Variants in MED13L observed in about 807,000 individuals in gnomAD.
MED13L encodes mediator complex subunit 13L.
MED13L carries 7 observed loss-of-function variants against 220.9 expected under a neutral mutation model. The ratio of observed to expected loss-of-function variants is 0.03; its 90% confidence interval spans 0.02 to 0.06. MED13L has a LOEUF of 0.06. MED13L is among the 10% of genes least tolerant of loss of function. The probability of loss-of-function intolerance (pLI) is 1.00; values close to 1 mark genes in which losing one functional copy is unlikely to be tolerated. For missense variants in MED13L, 1,965 were observed against 2,760.5 expected (o/e 0.71, Z 6.46); for synonymous variants, 1,011 against 1,015.2 (o/e 1.00, Z 0.08).
chr12:116,012,754 C>T, intron 9 of MED13L, 43 bp downstream of exon 9: 2 of 1,338,838 alleles, frequency 1.5e-6, no homozygotes, highest in Non-Finnish European at 2.2e-6. Context: ...ACAAGATGCG[C>T]CATCATTCGA....
At chr12:116,108,390 A>AGGGGGGGGGGGGG (rs35576412) in intron 3 of MED13L, among the ~76,000 whole-genome samples, 2 of 41,246 alleles carry the variant, frequency 4.8e-5, no homozygotes, top group African/African-American at 2.6e-4. Flanking sequence ...TTTAAAAGAA[A>AGGGGGGGGGGGGG]GGGGGGGGGG....
chr12:116,171,947 C>T (rs1879710075), intron 2 of MED13L, among the ~76,000 whole-genome samples: 1 of 152,146 alleles, frequency 6.6e-6, no homozygotes, highest in African/African-American at 2.4e-5. Context: ...TAAATACTCG[C>T]TGTCCCTCTC....
chr12:116,254,194 C>T (rs1193448894), intron 1 of MED13L, among the ~76,000 whole-genome samples: 4 of 152,084 alleles, frequency 2.6e-5, no homozygotes. Flanking sequence ...AGGATGTACA[C>T]TCTTACTACT....
intron 2 of MED13L, chr12:116,236,859 T>TA: frequency 1.0e-6 from 1 of 985,188 alleles, no homozygotes; most frequent in Non-Finnish European, 1.2e-6. Context: ...AATCTGAAGC[T>TA]AAAAATCAGG....
intron 1 of MED13L, among the ~76,000 whole-genome samples, chr12:116,273,731 G>T (rs762037107): frequency 6.6e-6 from 1 of 152,158 alleles, no homozygotes; most frequent in East Asian, 1.9e-4. Context: ...AATAAAACAT[G>T]AAAGTGGAGC....
chr12:116,175,953 T>C (rs1880031189), intron 2 of MED13L, among the ~76,000 whole-genome samples: 1 of 151,924 alleles, frequency 6.6e-6, no homozygotes, highest in African/African-American at 2.4e-5. Context: ...ATCGAAAATA[T>C]CAGAATGGAG....
At position 116,110,388 on chromosome 12, in the gene MED13L, A is replaced by AATAAATAAATAG. The variant is rs34862125; in HGVS notation, c.395+1039_395+1040insCTATTTATTTAT. 63 of 151,838 alleles carry AATAAATAAATAG rather than the reference A, an allele frequency of 4.1e-4. 1 individual carries two copies. Among genetic ancestry groups the AATAAATAAATAG allele is most frequent in the East Asian group, 9.7e-4 (5 of 5,170 alleles). 9.4% of individuals were successfully genotyped at this position (151,838 alleles called of 1,614,324 possible). A position where few individuals can be genotyped will look rare whatever the true frequency, so the allele number is the denominator to read the frequency against. ...AAATAAATAAATAAATAAATAAATA[A>AATAAATAAATAG]GGAAATAAAATGCAAGAAAATGAAA... On this transcript the variant is annotated intron_variant, in intron 3 of 30. Transcript: ENST00000281928.
Position 116,129,919 on chromosome 12 carries a change from A to AAAG in MED13L, c.311-18408_311-18407insCTT, listed in dbSNP as rs1875923623. On this transcript the variant is annotated intron_variant, in intron 2 of 30. Coordinates refer to ENST00000281928, the MANE Select transcript of MED13L (RefSeq NM_015335.5). The stretch of plus-strand genomic sequence containing the variant: ...GTGAGACTCAGTCTCAAAAAAAAAA[A>AAAG]AAAGAAAGAAAGAAAGAAAGAAAGA... Among the ~76,000 whole-genome samples, 4 of 151,308 alleles carry AAAG rather than the reference A, an allele frequency of 2.6e-5. No individual in the cohort carries two copies. The East Asian group carries it at 5.9e-4, about 22-fold the overall frequency.
intron 4 of MED13L, among the ~76,000 whole-genome samples, chr12:116,035,327 A>G (rs1881117436): frequency 1.4e-5 from 2 of 146,602 alleles, no homozygotes; most frequent in South Asian, 4.3e-4. Flanking sequence ...TTAATACCAA[A>G]TCACTAAAAA....
At chr12:116,246,017 A>C (rs2138497050) in intron 1 of MED13L, among the ~76,000 whole-genome samples, 1 of 152,306 alleles carries the variant, frequency 6.6e-6, no homozygotes, top group South Asian at 2.1e-4. Context: ...CCAAGTTTCC[A>C]TATAATAAAA....
intron 2 of MED13L, among the ~76,000 whole-genome samples, chr12:116,112,359 A>G (rs901091514): frequency 5.3e-5 from 8 of 152,218 alleles, no homozygotes; most frequent in African/African-American, 1.9e-4. Flanking sequence ...TTATCTTGAC[A>G]AAAGCACTCA....
In MED13L at chr12:115,991,657, G is replaced by A; in HGVS notation, c.3297C>T (p.Thr1099=). 3.1e-6 allele frequency: 5 copies of A among 1,614,104 alleles called. No individual in the cohort carries two copies. The highest frequency in any genetic ancestry group is 4.2e-6 in the Non-Finnish European group (5 of 1,180,020). ...TRPLNSVEPA[T]MQPIPEAHSL... ...TGTGGGCTTCGGGAATTGGCTGCAT[G>A]GTGGCGGGCTCCACAGAGTTGAGGG... The change falls in exon 17 of 31, where the codon ACC becomes ACT. Residue 1099 remains threonine (T), a synonymous_variant. Coordinates refer to ENST00000281928, the MANE Select transcript of MED13L (RefSeq NM_015335.5). The surrounding 1 kb of genome is among the most constrained non-coding windows in gnomAD (Gnocchi z 7.7).
chr12:116,214,324 ATC>A (rs1042212344), intron 2 of MED13L, among the ~76,000 whole-genome samples: 108 of 152,326 alleles, frequency 7.1e-4, no homozygotes, highest in African/African-American at 2.0e-3. Context: ...TTCTTGGACC[ATC>A]TGACTTATCT....
chr12:116,241,882 T>A (rs1870684158), intron 1 of MED13L, among the ~76,000 whole-genome samples: 1 of 152,158 alleles, frequency 6.6e-6, no homozygotes, highest in African/African-American at 2.4e-5. Flanking sequence ...CTTTAAATTT[T>A]GAGTTAATGT....
intron 2 of MED13L, among the ~76,000 whole-genome samples, chr12:116,220,199 C>T (rs1245682789): frequency 6.6e-6 from 1 of 152,144 alleles, no homozygotes; most frequent in Non-Finnish European, 1.5e-5. Context: ...ATAAACTAAT[C>T]TTTTCACAAA....
Position 116,257,010 on chromosome 12 carries a change from T to C in MED13L, c.73-19305A>G, listed in dbSNP as rs151119339. ...TACTTTTAATAAAACCAAAGTATCA[T>C]CTTGCACATCTCCTGGTAAGTGTAA... is the stretch of plus-strand genomic sequence containing the variant. On this transcript the variant is annotated intron_variant, in intron 1 of 30. Coordinates refer to ENST00000281928, the MANE Select transcript of MED13L (RefSeq NM_015335.5). Among the ~76,000 whole-genome samples, 447 of 152,294 alleles carry C rather than the reference T, an allele frequency of 2.9e-3. 1 individual carries two copies. Among genetic ancestry groups the C allele is most frequent in the African/African-American group, 0.01 (427 of 41,558 alleles).
chr12:116,265,840 A>G (rs1350484199), intron 1 of MED13L, among the ~76,000 whole-genome samples: 1 of 152,218 alleles, frequency 6.6e-6, no homozygotes, highest in Non-Finnish European at 1.5e-5. Flanking sequence ...TAAAGACTAA[A>G]AATTGTCAAG....
In MED13L at chr12:115,979,814, C is replaced by T. The variant is rs533269647; in HGVS notation, c.5364+936G>A. ...AAGGCTTTGAAAATTCTGAACATTGCTTTTTATACCTATCTTCAAGATAAG... is the reference window on the plus strand; with the variant it reads ...AAGGCTTTGAAAATTCTGAACATTGTTTTTTATACCTATCTTCAAGATAAG... On this transcript the variant is annotated intron_variant, in intron 23 of 30. Coordinates refer to ENST00000281928, the MANE Select transcript of MED13L (RefSeq NM_015335.5). 1.0e-3 allele frequency among the ~76,000 whole-genome samples: 154 copies of T among 152,264 alleles called. 1 individual carries two copies. Among genetic ancestry groups the T allele is most frequent in the African/African-American group, 1.8e-3 (75 of 41,552 alleles).
chr12:116,235,776 CATAG>C (rs1870025523), intron 2 of MED13L, among the ~76,000 whole-genome samples: 1 of 152,100 alleles, frequency 6.6e-6, no homozygotes, highest in African/African-American at 2.4e-5. Context: ...TCTCCGTTGG[CATAG>C]ATAAATAAAT....
Sources: allele counts gnomAD v4.1 joint callset (sites outside exome capture counted in the v4.1 genomes callset), GRCh38; gene constraint gnomAD v4.1.1; non-coding constraint Gnocchi (gnomAD v3.1); transcripts MANE v1.5; gene names NCBI Gene and HGNC (gene_info 2026-07-23, HGNC 2026-07-21).